ZBTB40: variants seen among roughly 807,000 people sequenced by gnomAD.
ZBTB40 encodes zinc finger and BTB domain-containing protein 40.
In ZBTB40, 60 loss-of-function variants were observed where a neutral mutation model predicts 117.5. The observed-to-expected ratio is 0.51, with a 90% confidence interval of 0.41 to 0.63. ZBTB40 has a LOEUF of 0.63. Ranked by LOEUF, ZBTB40 falls within the 30% of genes least tolerant of loss-of-function variation. ZBTB40 has a pLI of 0.00. For missense variants in ZBTB40, 1,287 were observed against 1,498.5 expected (o/e 0.86, Z 2.33); for synonymous variants, 525 against 577.1 (o/e 0.91, Z 1.29).
rs1395133389 is a variant in ZBTB40 at position 22,524,502 on chromosome 1, C to CT, written c.3525+59dup. ...CTAATGCATGGTTCCTAAGGCTTCTCTAGAGGTGGCTCTGTCATAGTACCC... is the reference window on the plus strand; with the variant it reads ...CTAATGCATGGTTCCTAAGGCTTCTCTTAGAGGTGGCTCTGTCATAGTACCC... On this transcript the variant is annotated intron_variant, in intron 17 of 17. Transcript: ENST00000375647. The CT allele has an allele frequency of 2.6e-6, 4 of 1,557,400 alleles. No homozygotes were observed. In the Admixed American group the frequency reaches 5.2e-5, roughly 20 times the overall value.
At chr1:22,496,955 A>G (rs1638793700) in intron 3 of ZBTB40, among the ~76,000 whole-genome samples, 1 of 152,244 alleles carries the variant, frequency 6.6e-6, no homozygotes, top group Admixed American at 6.5e-5. Context: ...CCGGCAGTGC[A>G]GCCTTCAGTC....
At chr1:22,431,560 G>A (rs1640590654) in intron 1 of ZBTB40, among the ~76,000 whole-genome samples, 1 of 151,684 alleles carries the variant, frequency 6.6e-6, no homozygotes, top group South Asian at 2.1e-4. Context: ...CCAATATGGT[G>A]AAACCCCTCT....
rs1638628278 is a variant in ZBTB40 at position 22,491,415 on chromosome 1, A to G, written c.713A>G (p.His238Arg). The G allele has an allele frequency of 1.2e-6, 2 of 1,613,876 alleles. No individual in the cohort carries two copies. Among genetic ancestry groups the G allele is most frequent in the African/African-American group, 1.3e-5 (1 of 74,934 alleles). Residue 238 changes from histidine to arginine, a missense_variant, in exon 3 of 18, where the codon CAC (histidine) becomes CGC (arginine). His to Arg is a conservative substitution (Grantham distance 29). Around this residue, in one of 2 missense-constraint regions of ZBTB40, gnomAD observed 870 missense variants for 934.4 expected, o/e 0.93. Coordinates refer to ENST00000375647, the MANE Select transcript of ZBTB40 (RefSeq NM_014870.4). Reference sequence around the variant, plus strand: ...CTACATTTAGGATGTGAAAGGAAACACTACCAGCTGAATTTTCTTCTAGAA... The same window carrying G: ...CTACATTTAGGATGTGAAAGGAAACGCTACCAGCTGAATTTTCTTCTAGAA... ...TSTEPGCERK[H>R]YQLNFLLENE...
intron 17 of ZBTB40, 89 bp from the exon 18 acceptor site, chr1:22,526,113 C>G: frequency 2.0e-6 from 3 of 1,479,924 alleles, no homozygotes; most frequent in Non-Finnish European, 2.8e-6. Context: ...ACATAAATAT[C>G]ATCATTACAG....
At chr1:22,501,370 G>A in intron 3 of ZBTB40, 122 bp from the exon 4 acceptor site, 2 of 1,028,482 alleles carry the variant, frequency 1.9e-6, no homozygotes, top group Non-Finnish European at 3.0e-6. Flanking sequence ...AGTGCAGTGG[G>A]TGAGGAGCTT....
rs749283933 is a variant in ZBTB40, at chr1:22,508,603, A to G, written c.1571A>G (p.Lys524Arg). The change falls in exon 8 of 18, where the codon AAG (lysine) becomes AGG (arginine). Residue 524 changes from lysine (K) to arginine (R), a missense_variant. By Grantham distance (26) the Lys-to-Arg change is conservative. Transcript: ENST00000375647. Reference sequence around the variant, plus strand: ...TCTCTGATATCAGCAGTTCTAGAAAAGCAGACTCTCTCTGCCACAGCCATT... The same window carrying G: ...TCTCTGATATCAGCAGTTCTAGAAAGGCAGACTCTCTCTGCCACAGCCATT... The part of the protein sequence containing the change: ...FNSLISAVLE[K>R]QTLSATAIWQ... The G allele has an allele frequency of 6.2e-6, 10 of 1,614,066 alleles. No individual in the cohort carries two copies. The highest frequency in any genetic ancestry group is 8.5e-6 in the Non-Finnish European group (10 of 1,180,046).
intron 13 of ZBTB40, among the ~76,000 whole-genome samples, chr1:22,519,039 T>C (rs1385964206): frequency 2.6e-5 from 4 of 152,186 alleles, no homozygotes; most frequent in Non-Finnish European, 5.9e-5. Context: ...ACCACATCAT[T>C]GCTTATGGAA....
Position 22,527,220 on chromosome 1 carries a change from A to C in ZBTB40, c.*824A>C, listed in dbSNP as rs1305998565. The C allele has an allele frequency of 7.2e-5, 11 of 152,660 alleles. No individual in the cohort carries two copies. The East Asian group carries it at 2.1e-3, about 29-fold the overall frequency. 9.5% of individuals were successfully genotyped at this position (152,660 alleles called of 1,614,324 possible). A position where few individuals can be genotyped will look rare whatever the true frequency, so the allele number is the denominator to read the frequency against. ...CCCCTTCCTTTAATCAAAGGCTGAA[A>C]TCTCTGCCTGACCTGGCAGCCTGGC... On this transcript the variant is annotated 3_prime_UTR_variant, in exon 18 of 18. Transcript: ENST00000375647.
At position 22,474,951 on chromosome 1, in the gene ZBTB40, A is replaced by AAC. The variant is rs1553132303; in HGVS notation, c.-69-14928_-69-14927insCA. The stretch of plus-strand genomic sequence containing the variant: ...ATTACCAGTACCAACAATAAAAAAA[A>AAC]AAAAAACAGGTAAGCTTGCATTAAG... On this transcript the variant is annotated intron_variant, in intron 1 of 17. Transcript: ENST00000375647. Among the ~76,000 whole-genome samples the AAC allele has an allele frequency of 2.6e-5, 4 of 151,762 alleles. 2 individuals are homozygous for AAC.
At chr1:22,433,443 A>AAAAAAAAAAAAAAAG (rs1640626074) in intron 1 of ZBTB40, among the ~76,000 whole-genome samples, 1 of 139,612 alleles carries the variant, frequency 7.2e-6, no homozygotes, top group Non-Finnish European at 1.6e-5. Flanking sequence ...AAAAAAAAAA[A>AAAAAAAAAAAAAAAG]AAAAAAAAAA....
chr1:22,520,022 T>C (rs1639477036), intron 13 of ZBTB40, 39 bp from the exon 14 acceptor site: 4 of 1,595,624 alleles, frequency 2.5e-6, no homozygotes, highest in Non-Finnish European at 3.4e-6. Flanking sequence ...TTTCTTTTCC[T>C]CTCCACCTCT....
chr1:22,466,549 A>G (rs1279602879), intron 1 of ZBTB40, among the ~76,000 whole-genome samples: 1 of 151,656 alleles, frequency 6.6e-6, no homozygotes, highest in African/African-American at 2.4e-5. Context: ...CAACACTTGT[A>G]TTTTCTGTTT....
Position 22,509,214 on chromosome 1 carries a change from T to C in ZBTB40, c.1814T>C (p.Leu605Pro). 1 of 1,614,174 alleles carries C rather than the reference T, an allele frequency of 6.2e-7. No individual in the cohort carries two copies. Among genetic ancestry groups the C allele is most frequent in the Non-Finnish European group, 8.5e-7 (1 of 1,179,996 alleles). ...YKLFTSEEEH[L>P]AETVKEILSI... ...CTCTTTACCTCGGAGGAGGAGCACCTGGCAGAGACTGTGAAAGAGGTGTGG... is the reference window on the plus strand; with the variant it reads ...CTCTTTACCTCGGAGGAGGAGCACCCGGCAGAGACTGTGAAAGAGGTGTGG... The change falls in exon 9 of 18, where the codon CTG becomes CCG. Residue 605 changes from leucine (L) to proline (P), a missense_variant. Around this residue, in one of 2 missense-constraint regions of ZBTB40, gnomAD observed 870 missense variants for 934.4 expected, o/e 0.93. Coordinates refer to ENST00000375647, the MANE Select transcript of ZBTB40 (RefSeq NM_014870.4).
At position 22,530,759 on chromosome 1, in the gene ZBTB40, GT is replaced by G. The variant is rs1421565912; in HGVS notation, c.*4364del. On this transcript the variant is annotated 3_prime_UTR_variant, in exon 18 of 18. Transcript: ENST00000375647. ...CTGCTTTCTCTTTGGTTCTGGGCCA[GT>G]GTCAGACGGGGACAGGGGTGATAGG... 1 of 152,336 alleles carries G rather than the reference GT, an allele frequency of 6.6e-6. No homozygotes were observed. Among genetic ancestry groups the G allele is most frequent in the African/African-American group, 2.4e-5 (1 of 41,450 alleles). The allele number at this position is 152,336 out of a possible 1,614,324, so 9.4% of individuals were successfully genotyped here.
chr1:22,508,383 A>G, intron 7 of ZBTB40, 147 bp from the exon 8 acceptor site: 1 of 1,038,042 alleles, frequency 9.6e-7, no homozygotes, highest in Non-Finnish European at 1.5e-6. Context: ...GTCATGTATA[A>G]GAAATCTCTC....
chr1:22,447,686 T>C (rs2124371638), upstream of ZBTB40, among the ~76,000 whole-genome samples: 1 of 152,322 alleles, frequency 6.6e-6, no homozygotes, highest in Non-Finnish European at 1.5e-5. Flanking sequence ...GTGCTACTGT[T>C]GTCTGGGCAG....
chr1:22,461,407 A>G (rs980826087), intron 1 of ZBTB40, among the ~76,000 whole-genome samples: 4 of 151,602 alleles, frequency 2.6e-5, no homozygotes, highest in African/African-American at 9.7e-5. Context: ...TTTTGAGCAA[A>G]TACTATAGAA....
chr1:22,487,242 T>C (rs1012454365), intron 1 of ZBTB40, among the ~76,000 whole-genome samples: 5 of 152,188 alleles, frequency 3.3e-5, no homozygotes, highest in African/African-American at 1.2e-4. Context: ...TCTGAAATAT[T>C]TTTATTTATA....
At chr1:22,470,414 G>A (rs1310743227) in intron 1 of ZBTB40, among the ~76,000 whole-genome samples, 16 of 152,148 alleles carry the variant, frequency 1.1e-4, no homozygotes, top group Non-Finnish European at 2.4e-4. Flanking sequence ...AACAGAGAAA[G>A]GGAACAAGGA....
Sources: allele counts gnomAD v4.1 joint callset (sites outside exome capture counted in the v4.1 genomes callset), GRCh38; gene constraint gnomAD v4.1.1; regional missense constraint gnomAD v4.1.1; transcripts MANE v1.5; gene names NCBI Gene and HGNC (gene_info 2026-07-23, HGNC 2026-07-21).